CPA6: variants seen among roughly 807,000 people sequenced by gnomAD.
CPA6 encodes the protein carboxypeptidase A6, also known as carboxypeptidase B.
In CPA6, 58 loss-of-function variants were observed where a neutral mutation model predicts 63.3. The ratio of observed to expected loss-of-function variants is 0.92; its 90% CI spans 0.74 to 1.14. The LOEUF (loss-of-function observed/expected upper bound fraction) is 1.14, where lower values mean the gene tolerates loss of function less well. Among genes scored for constraint, CPA6 ranks in the 50% most tolerant of loss-of-function variants. CPA6 has a pLI of 0.00. For missense variants in CPA6, 565 were observed against 526.6 expected (o/e 1.07, Z -0.71); for synonymous variants, 185 against 179.0 (o/e 1.03, Z -0.27).
At chr8:67,640,280 GC>G (rs1815560877) in intron 1 of CPA6, among the ~76,000 whole-genome samples, 1 of 151,178 alleles carries the variant, frequency 6.6e-6, no homozygotes, top group South Asian at 2.1e-4. Context: ...TGGCACCTAG[GC>G]TATTTGTGCC....
chr8:67,690,823 T>A (rs910474204), intron 1 of CPA6, among the ~76,000 whole-genome samples: 2 of 152,238 alleles, frequency 1.3e-5, no homozygotes, highest in African/African-American at 4.8e-5. Context: ...ATACTTCATA[T>A]TCAAGTGTGG....
In CPA6 at chr8:67,532,093, A is replaced by G. The variant is rs536636969; in HGVS notation, c.193-14046T>C. ...TATGTCTAAACCAAGAAATTAGAAA[A>G]AGAACAACTACAAAAAAGTAAAAAA... On this transcript the variant is annotated intron_variant, in intron 2 of 10. Coordinates refer to ENST00000297770, the MANE Select transcript of CPA6 (RefSeq NM_020361.5). 1.1e-4 allele frequency among the ~76,000 whole-genome samples: 16 copies of G among 152,250 alleles called. No homozygotes were observed. In the South Asian group the frequency reaches 3.3e-3, roughly 32 times the overall value.
chr8:67,625,592 G>C (rs1291241001), intron 1 of CPA6, among the ~76,000 whole-genome samples: 2 of 152,152 alleles, frequency 1.3e-5, no homozygotes, highest in African/African-American at 4.8e-5. Context: ...AATATTAATG[G>C]ATTGGCATAA....
At chr8:67,470,290 G>A (rs762859943) in intron 8 of CPA6, among the ~76,000 whole-genome samples, 10 of 151,808 alleles carry the variant, frequency 6.6e-5, no homozygotes, top group Non-Finnish European at 1.0e-4. Context: ...TCAGCCTCCC[G>A]AAGTGCTGGG....
chr8:67,491,014 C>G (rs1420195541), intron 6 of CPA6, among the ~76,000 whole-genome samples: 1 of 152,030 alleles, frequency 6.6e-6, no homozygotes, highest in African/African-American at 2.4e-5. Flanking sequence ...GCAGGACACA[C>G]TGGCAGAACG....
intron 8 of CPA6, among the ~76,000 whole-genome samples, chr8:67,472,406 TC>T (rs879370240): frequency 0.12 from 9,642 of 78,912 alleles, 419 homozygotes; most frequent in Middle Eastern, 0.19. Context: ...TTTTATTTTA[TC>T]TTATCTTATT....
chr8:67,566,211 A>C (rs1813332961), intron 2 of CPA6, among the ~76,000 whole-genome samples: 1 of 152,222 alleles, frequency 6.6e-6, no homozygotes, highest in African/African-American at 2.4e-5. Context: ...GCAGAAGAAC[A>C]TCTTCCTCCA....
intron 2 of CPA6, among the ~76,000 whole-genome samples, chr8:67,548,155 TCCTTCCTTTC>T (rs1266769566): frequency 1.5e-4 from 14 of 95,780 alleles, no homozygotes; most frequent in South Asian, 8.1e-4. Flanking sequence ...CTCCCTCTCA[TCCTTCCTTTC>T]CTTCCTTCCT....
chr8:67,604,793 T>C (rs1208226706), intron 2 of CPA6, among the ~76,000 whole-genome samples: 1 of 152,316 alleles, frequency 6.6e-6, no homozygotes, highest in Admixed American at 6.5e-5. Flanking sequence ...TGTTTGTTTT[T>C]TGAGATTGAG....
At chr8:67,677,221 A>G (rs1816494568) in intron 1 of CPA6, among the ~76,000 whole-genome samples, 1 of 152,180 alleles carries the variant, frequency 6.6e-6, no homozygotes, top group South Asian at 2.1e-4. Context: ...GAATATTTGG[A>G]AAGAGATGAA....
intron 2 of CPA6, among the ~76,000 whole-genome samples, chr8:67,543,938 C>T (rs1180491728): frequency 6.6e-6 from 1 of 152,062 alleles, no homozygotes; most frequent in East Asian, 1.9e-4. Context: ...TGCACACCAC[C>T]ATGCCTGGCT....
intron 8 of CPA6, among the ~76,000 whole-genome samples, chr8:67,455,808 G>A (rs1350214881): frequency 6.6e-6 from 1 of 151,526 alleles, no homozygotes; most frequent in African/African-American, 2.4e-5. Flanking sequence ...ACCAACTCCT[G>A]GGCTTAGGTG....
At chr8:67,546,122 T>C (rs1563994478) in intron 2 of CPA6, among the ~76,000 whole-genome samples, 1 of 152,152 alleles carries the variant, frequency 6.6e-6, no homozygotes, top group Non-Finnish European at 1.5e-5. Context: ...AGCGAGGTGG[T>C]TTCAGGTTTT....
At chr8:67,637,790 A>G (rs1270077527) in intron 1 of CPA6, among the ~76,000 whole-genome samples, 3 of 151,476 alleles carry the variant, frequency 2.0e-5, no homozygotes, top group African/African-American at 7.4e-5. Context: ...ACATGAAAAG[A>G]TTTGATACTT....
At chr8:67,532,553 G>A (rs556341884) in intron 2 of CPA6, among the ~76,000 whole-genome samples, 1 of 152,100 alleles carries the variant, frequency 6.6e-6, no homozygotes, top group Admixed American at 6.6e-5. Flanking sequence ...GTGGTGGCGA[G>A]TATCTGTAGA....
chr8:67,686,441 A>T (rs966542921), intron 1 of CPA6, among the ~76,000 whole-genome samples: 5 of 152,232 alleles, frequency 3.3e-5, no homozygotes, highest in African/African-American at 1.2e-4. Context: ...CTTTTATTAC[A>T]TGTACATATA....
chr8:67,430,927 C>T (rs890714401), intron 9 of CPA6, among the ~76,000 whole-genome samples: 2 of 151,984 alleles, frequency 1.3e-5, no homozygotes, highest in Non-Finnish European at 2.9e-5. Flanking sequence ...AGTAGCATAA[C>T]CTTAGCTTAC....
chr8:67,580,661 G>A (rs1188929015), intron 2 of CPA6, among the ~76,000 whole-genome samples: 1 of 152,136 alleles, frequency 6.6e-6, no homozygotes, highest in Non-Finnish European at 1.5e-5. Flanking sequence ...AGCGTCTATT[G>A]ACTGTTATGT....
At chr8:67,580,871 A>G (rs1349579706) in intron 2 of CPA6, among the ~76,000 whole-genome samples, 1 of 152,104 alleles carries the variant, frequency 6.6e-6, no homozygotes, top group African/African-American at 2.4e-5. Context: ...GTTCATCGAG[A>G]TGTCTTATTT....
Sources: allele counts gnomAD v4.1 joint callset (sites outside exome capture counted in the v4.1 genomes callset), GRCh38; gene constraint gnomAD v4.1.1; transcripts MANE v1.5; gene names NCBI Gene and HGNC (gene_info 2026-07-23, HGNC 2026-07-21).